Variants in KIAA1671 observed in about 807,000 individuals in gnomAD.
KIAA1671 encodes the protein KIAA1671, also known as uncharacterized protein KIAA1671.
KIAA1671 carries 52 observed loss-of-function variants against 131.2 expected under a neutral mutation model. The ratio of observed to expected loss-of-function variants is 0.40; its 90% CI spans 0.32 to 0.50. The LOEUF is 0.50. Among genes scored for constraint, KIAA1671 ranks in the 20% least tolerant of loss-of-function variants. The pLI, the probability that KIAA1671 is intolerant of heterozygous loss-of-function variation, is 0.73. For missense variants in KIAA1671, 2,360 were observed against 2,364.2 expected, an observed-to-expected ratio of 1.00 and a Z score of 0.04; for synonymous variants, 1,003 against 961.6, an observed-to-expected ratio of 1.04 and a Z score of -0.80.
At chr22:25,008,613 CTTG>C (rs909345949) in intron 1 of KIAA1671, among the ~76,000 whole-genome samples, 1 of 152,190 alleles carries the variant, frequency 6.6e-6, no homozygotes, top group Non-Finnish European at 1.5e-5. Context: ...CCAAACCTCC[CTTG>C]TTGTCCTCAT....
At chr22:25,007,170 C>G (rs904588576) in intron 1 of KIAA1671, among the ~76,000 whole-genome samples, 3 of 152,102 alleles carry the variant, frequency 2.0e-5, no homozygotes, top group Non-Finnish European at 2.9e-5. Flanking sequence ...TGGGTGGGAC[C>G]TGTGCTACCC....
intron 6 of KIAA1671, among the ~76,000 whole-genome samples, chr22:25,079,741 A>G (rs888841669): frequency 3.9e-5 from 6 of 152,298 alleles, no homozygotes; most frequent in East Asian, 1.9e-4. Flanking sequence ...GGAGGTGACC[A>G]TGCCGGGCCT....
chr22:25,044,673 A>G (rs1271110026), intron 5 of KIAA1671, among the ~76,000 whole-genome samples: 1 of 152,156 alleles, frequency 6.6e-6, no homozygotes, highest in Non-Finnish European at 1.5e-5. Flanking sequence ...CAGAAGGAAA[A>G]AATGTTGGTT....
At position 25,040,724 on chromosome 22, in the gene KIAA1671, T is replaced by G; in HGVS notation, c.3594T>G (p.Val1198=). The G allele has an allele frequency of 6.4e-7, 1 of 1,551,990 alleles. No individual in the cohort carries two copies. The highest frequency in any genetic ancestry group is 8.7e-7 in the Non-Finnish European group (1 of 1,147,074). ...GKIRDGYRSS[V]LDIDALMAEY... is the part of the protein sequence containing the mutation. ...TCAGAGATGGCTACAGATCCAGCGT[T>G]CTTGACATTGACGCCCTGATGGCAG... The change falls in exon 5 of 13, where the codon GTT becomes GTG. Residue 1198 remains valine (V), a synonymous_variant. Coordinates refer to ENST00000358431, the MANE Select transcript of KIAA1671 (RefSeq NM_001145206.2).
At chr22:25,168,169 C>T (rs1190715636) in intron 6 of KIAA1671, among the ~76,000 whole-genome samples, 3 of 152,134 alleles carry the variant, frequency 2.0e-5, no homozygotes, top group Non-Finnish European at 2.9e-5. Flanking sequence ...AGCCCACCTC[C>T]GTTAACTAAG....
intron 6 of KIAA1671, among the ~76,000 whole-genome samples, chr22:25,117,728 T>G (rs2145923949): frequency 6.6e-6 from 1 of 151,980 alleles, no homozygotes; most frequent in Non-Finnish European, 1.5e-5. Context: ...CCCATCTCCA[T>G]CAGTACTCTC....
chr22:25,177,234 C>T, intron 8 of KIAA1671, 114 bp from the exon 9 acceptor site: 2 of 999,032 alleles, frequency 2.0e-6, no homozygotes, highest in Non-Finnish European at 2.9e-6. Context: ...GCCTAGGTAC[C>T]ACCTAAATAG....
chr22:25,049,201 A>G, intron 5 of KIAA1671, 29 bp from the exon 6 acceptor site: 1 of 1,543,428 alleles, frequency 6.5e-7, no homozygotes, highest in Non-Finnish European at 8.8e-7. Context: ...GCTCCCAGTA[A>G]AGTCCTTTTC....
intron 6 of KIAA1671, among the ~76,000 whole-genome samples, chr22:25,125,067 C>A (rs73401830): frequency 6.6e-6 from 1 of 152,158 alleles, no homozygotes; most frequent in African/African-American, 2.4e-5. Context: ...CTGTTGGTTT[C>A]GTATTCATGC....
chr22:25,035,285 G>C (rs2145797986), intron 4 of KIAA1671, among the ~76,000 whole-genome samples: 1 of 152,252 alleles, frequency 6.6e-6, no homozygotes, highest in African/African-American at 2.4e-5. Context: ...GACCTCAGGT[G>C]ATCTGCCTGC....
chr22:25,090,468 ATTTAT>A (rs952825960), intron 6 of KIAA1671, among the ~76,000 whole-genome samples: 4 of 152,176 alleles, frequency 2.6e-5, no homozygotes, highest in Admixed American at 6.6e-5. Flanking sequence ...TTTCCTGCAC[ATTTAT>A]TTTGAAAGTT....
intron 1 of KIAA1671, among the ~76,000 whole-genome samples, chr22:24,975,443 T>G (rs1202631626): frequency 2.0e-5 from 3 of 152,002 alleles, no homozygotes; most frequent in African/African-American, 7.2e-5. Context: ...TTCAGCCTCC[T>G]AAGTAGCTGG....
intron 6 of KIAA1671, among the ~76,000 whole-genome samples, chr22:25,126,032 G>A (rs1035036474): frequency 1.3e-5 from 2 of 152,232 alleles, no homozygotes; most frequent in African/African-American, 4.8e-5. Flanking sequence ...GGAGATGCTG[G>A]TGGAGGGCAC....
At chr22:25,020,781 G>A (rs952745977) in intron 1 of KIAA1671, among the ~76,000 whole-genome samples, 3 of 152,192 alleles carry the variant, frequency 2.0e-5, no homozygotes, top group African/African-American at 7.2e-5. Flanking sequence ...ACTGTGTTTT[G>A]TGGCCTGTCT....
chr22:25,122,004 T>G (rs914410776), intron 6 of KIAA1671, among the ~76,000 whole-genome samples: 11 of 152,208 alleles, frequency 7.2e-5, no homozygotes, highest in Non-Finnish European at 1.5e-4. Flanking sequence ...GTTTGAATCC[T>G]GGTTCTGCGT....
At chr22:25,126,924 G>A (rs1932209912) in intron 6 of KIAA1671, among the ~76,000 whole-genome samples, 1 of 152,182 alleles carries the variant, frequency 6.6e-6, no homozygotes, top group Non-Finnish European at 1.5e-5. Context: ...TTAGAAAAGT[G>A]AGCATATGTG....
At chr22:25,179,496 G>A in intron 9 of KIAA1671, 1 of 1,612,182 alleles carries the variant, frequency 6.2e-7, no homozygotes, top group East Asian at 2.2e-5. Flanking sequence ...GCCTTGTGCA[G>A]CACCTCCCGC....
chr22:25,177,249 T>C, intron 8 of KIAA1671, 99 bp from the exon 9 acceptor site: 3 of 1,168,680 alleles, frequency 2.6e-6, no homozygotes, highest in Non-Finnish European at 3.6e-6. Context: ...AAATAGCCTC[T>C]CATCTGTCAA....
At chr22:25,179,616 C>A in intron 9 of KIAA1671, 1 of 955,808 alleles carries the variant, frequency 1.0e-6, no homozygotes, top group Non-Finnish European at 1.6e-6. Context: ...GTGGCACTCC[C>A]AAAAGTGGAA....
Sources: gnomAD v4.1 joint callset for allele counts (sites outside exome capture counted in the v4.1 genomes callset) on GRCh38, gnomAD v4.1.1 for gene constraint, MANE v1.5 for transcripts, NCBI Gene and HGNC (gene_info 2026-07-23, HGNC 2026-07-21) for gene names.